The following TSC22D2 variants were observed in gnomAD, a reference collection of about 807,000 sequenced individuals.
TSC22D2 encodes TSC22 domain family member 2, also known as TSC22 domain family protein 2.
TSC22D2 carries 5 observed loss-of-function variants against 50.1 expected under a neutral mutation model. The observed-to-expected ratio is 0.10, with a 90% CI of 0.05 to 0.21. The LOEUF (loss-of-function observed/expected upper bound fraction) is 0.21. TSC22D2 is among the 10% of genes least tolerant of loss of function. The pLI, the probability that TSC22D2 is intolerant of heterozygous loss-of-function variation, is 1.00. For missense variants in TSC22D2, 1,003 were observed against 1,015.5 expected (o/e 0.99, Z 0.17); for synonymous variants, 501 against 450.1 (o/e 1.11, Z -1.43).
chr3:150,430,509 G>A (rs1576548140), intron 1 of TSC22D2, among the ~76,000 whole-genome samples: 1 of 152,182 alleles, frequency 6.6e-6, no homozygotes, highest in Admixed American at 6.5e-5. Flanking sequence ...GGGAATGCTG[G>A]TACTGTTAGA....
intron 1 of TSC22D2, among the ~76,000 whole-genome samples, chr3:150,427,797 C>T (rs1720241371): frequency 6.6e-6 from 1 of 151,914 alleles, no homozygotes. Flanking sequence ...TTCATTTCCT[C>T]CTTCCTTTCT....
At chr3:150,435,287 T>A (rs931271324) in intron 1 of TSC22D2, among the ~76,000 whole-genome samples, 1 of 152,186 alleles carries the variant, frequency 6.6e-6, no homozygotes, top group East Asian at 1.9e-4. Flanking sequence ...GGCCTTTTTA[T>A]ATGTTAATTT....
rs1304232484 is a variant in TSC22D2 at position 150,410,642 on chromosome 3, C to T, written c.1292C>T (p.Ser431Phe). The T allele has an allele frequency of 1.3e-6, 2 of 1,553,534 alleles. No individual in the cohort carries two copies. Among genetic ancestry groups the T allele is most frequent in the Non-Finnish European group, 1.7e-6 (2 of 1,151,892 alleles). The change falls in exon 1 of 3, where the codon TCC becomes TTC. Residue 431 changes from serine (S) to phenylalanine (F), a missense_variant. This residue lies in a region of TSC22D2 where 696 missense variants were observed against 647.8 expected (regional missense o/e 1.07). Coordinates refer to ENST00000688009, the MANE Select transcript of TSC22D2 (RefSeq NM_001303264.2). ...GGCGCGCAGCTCATGGGCGCGTCTT[C>T]CCAGCCCAGCGAAGCCATGGCCCCC... is the stretch of plus-strand genomic sequence containing the variant. ...SVGAQLMGAS[S>F]QPSEAMAPRT...
rs146520080 is a variant in TSC22D2 at position 150,434,781 on chromosome 3, A to G, written c.1959-22295A>G. On this transcript the variant is annotated intron_variant, in intron 1 of 2. Coordinates refer to ENST00000688009, the MANE Select transcript of TSC22D2 (RefSeq NM_001303264.2). ...TGCTATAATGCATAACATACCAAAC[A>G]CTTTATATATGTGTATATACATGTA... Among the ~76,000 whole-genome samples the G allele has an allele frequency of 9.4e-3, 1,430 of 152,054 alleles. 15 individuals carry two copies. The highest frequency in any genetic ancestry group is 0.032 in the African/African-American group (1,345 of 41,512).
chr3:150,437,315 A>G (rs1720577077), intron 1 of TSC22D2, among the ~76,000 whole-genome samples: 1 of 152,176 alleles, frequency 6.6e-6, no homozygotes, highest in Admixed American at 6.5e-5. Flanking sequence ...AATAGGGACC[A>G]CTGCTGCATA....
chr3:150,438,256 G>A (rs1229530670), intron 1 of TSC22D2: 1 of 419,426 alleles, frequency 2.4e-6, no homozygotes. Flanking sequence ...ATCGAAAGCC[G>A]AAAGTTTAAA....
Position 150,425,228 on chromosome 3 carries a change from T to C in TSC22D2, c.1958+13920T>C, listed in dbSNP as rs371147272. Reference sequence around the variant, plus strand: ...GTATTTGGCAGGGGTGATTCTCCTATTAAAGAGAGACATAGACTGGGCGCA... The same window carrying C: ...GTATTTGGCAGGGGTGATTCTCCTACTAAAGAGAGACATAGACTGGGCGCA... On this transcript the variant is annotated intron_variant, in intron 1 of 2. Coordinates refer to ENST00000688009, the MANE Select transcript of TSC22D2 (RefSeq NM_001303264.2). Among the ~76,000 whole-genome samples the C allele has an allele frequency of 1.2e-4, 19 of 152,254 alleles. No homozygotes were observed. The East Asian group carries it at 3.5e-3, about 28-fold the overall frequency.
At position 150,434,432 on chromosome 3, in the gene TSC22D2, T is replaced by C. The variant is rs150876686; in HGVS notation, c.1959-22644T>C. Among the ~76,000 whole-genome samples, 260 of 152,306 alleles carry C rather than the reference T, an allele frequency of 1.7e-3. 1 individual carries two copies. The highest frequency in any genetic ancestry group is 6.0e-3 in the African/African-American group (251 of 41,578). On this transcript the variant is annotated intron_variant, in intron 1 of 2. Transcript: ENST00000688009. ...TTCTGGGATTACACATGTGAGCCAC[T>C]GTGTCCAACCCAAATATTCAGCTTT... is the stretch of plus-strand genomic sequence containing the variant.
chr3:150,428,674 A>G (rs1720279012), intron 1 of TSC22D2, among the ~76,000 whole-genome samples: 1 of 152,016 alleles, frequency 6.6e-6, no homozygotes, highest in Non-Finnish European at 1.5e-5. Context: ...GTGCTGCCAC[A>G]AAAACTAATG....
At position 150,459,559 on chromosome 3, in the gene TSC22D2, GTTTTTTTTTGTTGT is replaced by G. The variant is rs1396711979; in HGVS notation, c.*933_*946del. ...AAGCAAAGCTGTGTAATGGAGTTTG[GTTTTTTTTTGTTGT>G]TTTTTTTTTTTTGTCTTTTTTTTTT... On this transcript the variant is annotated 3_prime_UTR_variant, in exon 3 of 3. Transcript: ENST00000688009. 3.3e-5 allele frequency: 4 copies of G among 122,826 alleles called. No homozygotes were observed. The highest frequency in any genetic ancestry group is 6.1e-5 in the African/African-American group (2 of 32,950). The allele number at this position is 122,826 out of a possible 1,614,324, so 7.6% of individuals were successfully genotyped here. A position where few individuals can be genotyped will look rare whatever the true frequency, so the allele number is the denominator to read the frequency against.
At position 150,461,720 on chromosome 3, in the gene TSC22D2, T is replaced by A. The variant is rs563731290; in HGVS notation, c.*3084T>A. The A allele has an allele frequency of 6.6e-6, 1 of 152,276 alleles. No individual in the cohort carries two copies. The highest frequency in any genetic ancestry group is 1.9e-4 in the East Asian group (1 of 5,186). The allele number at this position is 152,276 out of a possible 1,614,324, so 9.4% of individuals were successfully genotyped here. On this transcript the variant is annotated 3_prime_UTR_variant, in exon 3 of 3. Transcript: ENST00000688009. ...TATAATATCCTATGCTAATTAGAAG[T>A]ATTGAGATAACGTTTTATAATCAAG...
In TSC22D2 at chr3:150,438,563, C is replaced by T. The variant is rs1226880357; in HGVS notation, c.1959-18513C>T. Among the ~76,000 whole-genome samples the T allele has an allele frequency of 2.0e-5, 3 of 151,872 alleles. No individual in the cohort carries two copies. In the East Asian group the frequency reaches 5.8e-4, roughly 29 times the overall value. On this transcript the variant is annotated intron_variant, in intron 1 of 2. Transcript: ENST00000688009. ...TTGCAGTGGTGTTTAGTAAATACAT[C>T]AGTTTAAAAAAAGAAAGTGAAATCC...
intron 1 of TSC22D2, among the ~76,000 whole-genome samples, chr3:150,439,672 G>A (rs1280097531): frequency 6.6e-6 from 1 of 151,238 alleles, no homozygotes; most frequent in Non-Finnish European, 1.5e-5. Flanking sequence ...GCATTTGTCA[G>A]ATTTTTTTTT....
chr3:150,433,169 G>A (rs1343922894), intron 1 of TSC22D2, among the ~76,000 whole-genome samples: 1 of 152,194 alleles, frequency 6.6e-6, no homozygotes, highest in Non-Finnish European at 1.5e-5. Context: ...TTATCTCCCA[G>A]TTGTTTCAAA....
At position 150,463,886 on chromosome 3, in the gene TSC22D2, G is replaced by C. The variant is rs1000089321; in HGVS notation, c.*5250G>C. On this transcript the variant is annotated 3_prime_UTR_variant, in exon 3 of 3. Coordinates refer to ENST00000688009, the MANE Select transcript of TSC22D2 (RefSeq NM_001303264.2). ...GCATACCTGGATGGTGAGTGAGTTA[G>C]CTTTATTTTTCATTCTCAGCAGGGA... 2.0e-5 allele frequency: 3 copies of C among 152,312 alleles called. No homozygotes were observed. Among genetic ancestry groups the C allele is most frequent in the African/African-American group, 7.2e-5 (3 of 41,568 alleles). The allele number at this position is 152,312 out of a possible 1,614,324, so 9.4% of individuals were successfully genotyped here.
intron 1 of TSC22D2, among the ~76,000 whole-genome samples, chr3:150,411,971 A>G (rs1296094432): frequency 3.3e-5 from 5 of 152,176 alleles, no homozygotes; most frequent in Non-Finnish European, 5.9e-5. Context: ...CCATCAGTCT[A>G]TTTATTATAG....
intron 1 of TSC22D2, among the ~76,000 whole-genome samples, chr3:150,425,522 G>T (rs183517939): frequency 1.3e-5 from 2 of 152,192 alleles, no homozygotes; most frequent in East Asian, 3.9e-4. Flanking sequence ...ATCTCAAAAA[G>T]AAAAAGATAT....
At chr3:150,455,959 G>A (rs371662368) in intron 1 of TSC22D2, among the ~76,000 whole-genome samples, 1 of 151,502 alleles carries the variant, frequency 6.6e-6, no homozygotes, top group Non-Finnish European at 1.5e-5. Context: ...CTTAATACAT[G>A]GTAGAATATA....
intron 1 of TSC22D2, chr3:150,423,003 C>G: frequency 3.6e-6 from 5 of 1,399,384 alleles, no homozygotes; most frequent in Non-Finnish European, 5.1e-6. Flanking sequence ...AGTGATTATA[C>G]TGTACGTTCT....
Sources: gnomAD v4.1 joint callset for allele counts (sites outside exome capture counted in the v4.1 genomes callset) on GRCh38, gnomAD v4.1.1 for gene constraint, gnomAD v4.1.1 regional missense constraint, MANE v1.5 for transcripts, NCBI Gene and HGNC (gene_info 2026-07-23, HGNC 2026-07-21) for gene names.